MAPK4: variants seen among roughly 807,000 people sequenced by gnomAD.
The protein encoded by MAPK4 is Erk3-related.
Under a neutral mutation model 47.7 loss-of-function variants are expected in MAPK4, and 22 were observed. The ratio of observed to expected loss-of-function variants is 0.46; its 90% CI spans 0.33 to 0.66. The LOEUF (loss-of-function observed/expected upper bound fraction) is 0.66, where lower values mean the gene tolerates loss of function less well. Among genes scored for constraint, MAPK4 ranks in the 30% least tolerant of loss-of-function variants. The pLI, the probability that MAPK4 is intolerant of heterozygous loss-of-function variation, is 0.02. For missense variants in MAPK4, 736 were observed against 831.7 expected (o/e 0.88, Z 1.42); for synonymous variants, 390 against 365.7 (o/e 1.07, Z -0.76).
At chr18:50,563,346 ATTTAGAG>A (rs1330079997) in intron 1 of MAPK4, among the ~76,000 whole-genome samples, 1 of 152,220 alleles carries the variant, frequency 6.6e-6, no homozygotes, top group Admixed American at 6.5e-5. Flanking sequence ...AACAAACCGA[ATTTAGAG>A]TACTTTAGGT....
At chr18:50,613,321 C>T (rs1380136436) in intron 1 of MAPK4, among the ~76,000 whole-genome samples, 4 of 152,162 alleles carry the variant, frequency 2.6e-5, no homozygotes, top group East Asian at 1.9e-4. Flanking sequence ...AGCCACATGG[C>T]GGGAAGCTGT....
At position 50,620,929 on chromosome 18, in the gene MAPK4, T is replaced by A. The variant is rs1292891841; in HGVS notation, c.-870-42160T>A. Among the ~76,000 whole-genome samples the A allele has an allele frequency of 2.0e-5, 3 of 152,338 alleles. No individual in the cohort carries two copies. The East Asian group carries it at 5.8e-4, about 29-fold the overall frequency. On this transcript the variant is annotated intron_variant, in intron 1 of 5. Transcript: ENST00000400384. ...TCAACCTAATAATTATTTTATCTTA[T>A]TTTTACTTCTTTTGGCCAAGTATCC... is the stretch of plus-strand genomic sequence containing the variant.
chr18:50,580,903 T>C lies in MAPK4; in HGVS notation c.-871+20660T>C, dbSNP rs148488269. ...GGCATCAGGTAGTAGCTGGATGATA[T>C]ACTGAGATGCCTGAATTTCCCTTGG... On this transcript the variant is annotated intron_variant, in intron 1 of 5. Transcript: ENST00000400384. Among the ~76,000 whole-genome samples, 75 of 152,312 alleles carry C rather than the reference T, an allele frequency of 4.9e-4. 1 individual carries two copies. In the East Asian group the frequency reaches 0.012, roughly 24 times the overall value.
intron 2 of MAPK4, among the ~76,000 whole-genome samples, chr18:50,689,404 TAAAAAAAA>T (rs34978159): frequency 1.2e-5 from 1 of 84,850 alleles, no homozygotes; most frequent in Non-Finnish European, 2.4e-5. Flanking sequence ...AACTCCATCT[TAAAAAAAA>T]AAAAAAAAAA....
At chr18:50,726,215 T>C in intron 5 of MAPK4, 40 bp downstream of exon 5, 2 of 1,588,878 alleles carry the variant, frequency 1.3e-6, no homozygotes, top group Non-Finnish European at 1.7e-6. Context: ...CATTTCCCTG[T>C]CCTCCCATCT....
At position 50,729,509 on chromosome 18, in the gene MAPK4, C is replaced by T. The variant is rs551251305; in HGVS notation, c.1419C>T (p.Ala473=). 3 of 1,452,016 alleles carry T rather than the reference C, an allele frequency of 2.1e-6. No individual in the cohort carries two copies. Among genetic ancestry groups the T allele is most frequent in the South Asian group, 1.4e-5 (1 of 70,666 alleles). The allele number at this position is 1,452,016 out of a possible 1,614,324, so 89.9% of individuals were successfully genotyped here. A position where few individuals can be genotyped will look rare whatever the true frequency, so the allele number is the denominator to read the frequency against. The change falls in exon 6 of 6, where the codon GCC becomes GCT. Residue 473 remains alanine, a synonymous_variant. Transcript: ENST00000400384. ...WKQAAGAPPT[A]TGLADTGARE... is the part of the protein sequence containing the mutation. Reference sequence around the variant, plus strand: ...AGGCGGCCGGCGCGCCCCCCACGGCCACGGGGCTGGCGGACACGGGGGCGC... The same window carrying T: ...AGGCGGCCGGCGCGCCCCCCACGGCTACGGGGCTGGCGGACACGGGGGCGC...
At chr18:50,589,412 C>A (rs1402464081) in intron 1 of MAPK4, among the ~76,000 whole-genome samples, 7 of 151,868 alleles carry the variant, frequency 4.6e-5, no homozygotes, top group Non-Finnish European at 7.4e-5. Flanking sequence ...CTGGCTAACA[C>A]GGTGAAACCC....
chr18:50,638,456 AAAC>A (rs2042908212), intron 1 of MAPK4, among the ~76,000 whole-genome samples: 1 of 152,192 alleles, frequency 6.6e-6, no homozygotes, highest in Admixed American at 6.5e-5. Flanking sequence ...CTTTTAATAC[AAAC>A]AACAACAGGC....
At chr18:50,670,582 C>A (rs973478604) in intron 2 of MAPK4, among the ~76,000 whole-genome samples, 3 of 152,040 alleles carry the variant, frequency 2.0e-5, no homozygotes, top group Non-Finnish European at 2.9e-5. Context: ...CATGGTGAAA[C>A]CCTGTCTCTA....
At chr18:50,653,573 C>G (rs374293402) in intron 1 of MAPK4, among the ~76,000 whole-genome samples, 1 of 152,180 alleles carries the variant, frequency 6.6e-6, no homozygotes, top group East Asian at 1.9e-4. Context: ...AGTTTAGAAC[C>G]CAGGCTCTAC....
chr18:50,568,584 T>G (rs2042222321), intron 1 of MAPK4, among the ~76,000 whole-genome samples: 1 of 152,236 alleles, frequency 6.6e-6, no homozygotes, highest in African/African-American at 2.4e-5. Flanking sequence ...GCCTCAGTTA[T>G]GTACTTGGTC....
At chr18:50,727,112 T>C (rs2144492245) in intron 5 of MAPK4, among the ~76,000 whole-genome samples, 1 of 152,332 alleles carries the variant, frequency 6.6e-6, no homozygotes, top group Admixed American at 6.5e-5. Flanking sequence ...AGATGTATTT[T>C]TAAACAATTT....
intron 2 of MAPK4, among the ~76,000 whole-genome samples, chr18:50,691,947 C>G (rs537667227): frequency 1.4e-4 from 21 of 152,282 alleles, no homozygotes; most frequent in Non-Finnish European, 2.5e-4. Flanking sequence ...ACCCCCATCT[C>G]CTTTCCCATC....
At chr18:50,704,655 C>G (rs1357464971) in intron 2 of MAPK4, 1 of 398,678 alleles carries the variant, frequency 2.5e-6, no homozygotes, top group Middle Eastern at 6.3e-4. Flanking sequence ...AGTTCCAGTC[C>G]TGTGGGGTGG....
At chr18:50,673,485 G>T (rs566825931) in intron 2 of MAPK4, among the ~76,000 whole-genome samples, 1 of 152,222 alleles carries the variant, frequency 6.6e-6, no homozygotes, top group Non-Finnish European at 1.5e-5. Flanking sequence ...GTGCAGGCTT[G>T]CTGGTGACAA....
chr18:50,666,905 G>A (rs1253686120), intron 2 of MAPK4, among the ~76,000 whole-genome samples: 4 of 152,012 alleles, frequency 2.6e-5, no homozygotes, highest in South Asian at 2.1e-4. Context: ...ATCAGTTCTC[G>A]TTTAATCCCC....
intron 1 of MAPK4, among the ~76,000 whole-genome samples, chr18:50,619,770 C>CA (rs1181835570): frequency 1.3e-5 from 2 of 152,366 alleles, no homozygotes; most frequent in Admixed American, 6.5e-5. Context: ...ACTCATAATG[C>CA]TAAACCTCCT....
chr18:50,668,194 A>G (rs1907715107), intron 2 of MAPK4, among the ~76,000 whole-genome samples: 1 of 152,252 alleles, frequency 6.6e-6, no homozygotes, highest in Non-Finnish European at 1.5e-5. Flanking sequence ...TAGTCCAGAA[A>G]GGTCCTGAGC....
chr18:50,638,859 G>A (rs1387784931), intron 1 of MAPK4, among the ~76,000 whole-genome samples: 1 of 152,164 alleles, frequency 6.6e-6, no homozygotes, highest in Non-Finnish European at 1.5e-5. Flanking sequence ...GCCCTGAGAA[G>A]TGGATTTGAT....
Sources: allele counts gnomAD v4.1 joint callset (sites outside exome capture counted in the v4.1 genomes callset), GRCh38; gene constraint gnomAD v4.1.1; transcripts MANE v1.5; gene names NCBI Gene and HGNC (gene_info 2026-07-23, HGNC 2026-07-21).